The following CDH13 variants were observed in gnomAD, a reference collection of about 807,000 sequenced individuals.
CDH13 encodes cadherin 13.
In CDH13, 24 loss-of-function variants were observed where a neutral mutation model predicts 63.8. That is an observed-to-expected ratio of 0.38 (90% confidence interval 0.27 to 0.53). The LOEUF (loss-of-function observed/expected upper bound fraction) is 0.53, where lower values mean the gene tolerates loss of function less well. Ranked by LOEUF, CDH13 falls within the 20% of genes least tolerant of loss-of-function variation. The pLI, the probability that CDH13 is intolerant of heterozygous loss-of-function variation, is 0.85. For synonymous variants in CDH13, 503 were observed against 355.3 expected (o/e 1.42, Z -4.67); for missense variants, 1,049 against 903.1 (o/e 1.16, Z -2.07).
intron 5 of CDH13, among the ~76,000 whole-genome samples, chr16:83,332,384 A>G (rs1393736426): frequency 1.3e-5 from 2 of 152,146 alleles, no homozygotes; most frequent in African/African-American, 2.4e-5. Flanking sequence ...ATTTGTATGT[A>G]TCAACCCTAA....
chr16:83,044,006 T>C (rs1401734999), intron 3 of CDH13, among the ~76,000 whole-genome samples: 2 of 152,224 alleles, frequency 1.3e-5, no homozygotes, highest in Non-Finnish European at 2.9e-5. Flanking sequence ...AAGGATTAGA[T>C]AGGATGCTCT....
intron 4 of CDH13, among the ~76,000 whole-genome samples, chr16:83,163,462 T>C (rs1191188724): frequency 6.6e-6 from 1 of 152,090 alleles, no homozygotes; most frequent in African/African-American, 2.4e-5. Context: ...CTTGTAGTGC[T>C]CCAGGCCAGA....
intron 2 of CDH13, among the ~76,000 whole-genome samples, chr16:82,879,580 A>C (rs2040622709): frequency 1.4e-5 from 2 of 141,834 alleles, no homozygotes; most frequent in African/African-American, 5.1e-5. Context: ...TATATACAAT[A>C]TTATATATTA....
intron 4 of CDH13, among the ~76,000 whole-genome samples, chr16:83,158,657 C>A (rs2037318127): frequency 7.2e-5 from 11 of 152,236 alleles, no homozygotes; most frequent in Admixed American, 7.2e-4. Context: ...GCTGCAGAGC[C>A]ACGTTAAACA....
intron 1 of CDH13, among the ~76,000 whole-genome samples, chr16:82,796,330 C>T (rs1251525643): frequency 2.0e-5 from 3 of 152,156 alleles, no homozygotes; most frequent in South Asian, 2.1e-4. Context: ...TTTCCAATCT[C>T]GCTCTTCTCT....
chr16:83,219,428 A>T (rs181619097), intron 5 of CDH13, among the ~76,000 whole-genome samples: 1 of 152,198 alleles, frequency 6.6e-6, no homozygotes, highest in Non-Finnish European at 1.5e-5. Flanking sequence ...GAAACTTGAC[A>T]AATTGTCTGC....
At chr16:83,053,190 A>G (rs1332802988) in intron 3 of CDH13, among the ~76,000 whole-genome samples, 3 of 152,212 alleles carry the variant, frequency 2.0e-5, no homozygotes, top group Non-Finnish European at 4.4e-5. Context: ...TGACCACAGA[A>G]TATGTCTTTA....
chr16:83,334,821 G>T (rs567215464), intron 5 of CDH13, among the ~76,000 whole-genome samples: 1 of 152,158 alleles, frequency 6.6e-6, no homozygotes, highest in African/African-American at 2.4e-5. Context: ...CTAAATTTTA[G>T]AAAGGATATG....
intron 2 of CDH13, among the ~76,000 whole-genome samples, chr16:82,902,613 C>G (rs2041507862): frequency 6.6e-6 from 1 of 150,668 alleles, no homozygotes; most frequent in South Asian, 2.1e-4. Flanking sequence ...TCACGTGCTT[C>G]TTTGCTTGGC....
chr16:83,336,800 T>C (rs1271552355), intron 5 of CDH13, among the ~76,000 whole-genome samples: 1 of 152,228 alleles, frequency 6.6e-6, no homozygotes, highest in Admixed American at 6.5e-5. Flanking sequence ...TTGTTTCTGA[T>C]TCTGTTGATC....
intron 5 of CDH13, among the ~76,000 whole-genome samples, chr16:83,287,269 C>T (rs370617524): frequency 8.5e-5 from 13 of 152,302 alleles, no homozygotes; most frequent in African/African-American, 3.1e-4. Context: ...GAGAGGCATT[C>T]GCTTCAGGGA....
chr16:83,122,573 T>C lies in CDH13; in HGVS notation c.367-2812T>C, dbSNP rs2035630098. 1.3e-5 allele frequency among the ~76,000 whole-genome samples: 2 copies of C among 152,126 alleles called. 1 individual carries two copies. The highest frequency in any genetic ancestry group is 4.1e-4 in the South Asian group (2 of 4,826). On this transcript the variant is annotated intron_variant, in intron 3 of 13. Transcript: ENST00000567109. ...CCCTTGACAATACACTGAATACAAG[T>C]CTCCATAATGCCTGACATAGTTTGG...
intron 1 of CDH13, among the ~76,000 whole-genome samples, chr16:82,837,721 C>G (rs1335307988): frequency 6.6e-6 from 1 of 152,212 alleles, no homozygotes; most frequent in African/African-American, 2.4e-5. Context: ...CGAGTTTTTA[C>G]TGGGAGCTCA....
At chr16:83,781,777 G>A (rs11645296) in intron 12 of CDH13, among the ~76,000 whole-genome samples, 4,046 of 151,278 alleles carry the variant, frequency 0.027, 89 homozygotes, top group Non-Finnish European at 0.038. Context: ...TTTTGGGGGC[G>A]TGCAGAGGGG....
chr16:83,152,074 C>G (rs1296773061), intron 4 of CDH13, among the ~76,000 whole-genome samples: 4 of 151,934 alleles, frequency 2.6e-5, no homozygotes, highest in Admixed American at 1.3e-4. Flanking sequence ...CCTGTCCTTC[C>G]TAAGGAAAAT....
At chr16:83,725,670 G>T (rs1194920191) in intron 10 of CDH13, 1 of 152,244 alleles carries the variant, frequency 6.6e-6, no homozygotes, top group Non-Finnish European at 1.5e-5. Context: ...GATGGGCCAA[G>T]CAGGCAAGTT....
intron 5 of CDH13, among the ~76,000 whole-genome samples, chr16:83,339,998 A>T (rs2090686497): frequency 6.6e-6 from 1 of 152,182 alleles, no homozygotes; most frequent in Non-Finnish European, 1.5e-5. Context: ...CACCAAGGCT[A>T]AGGCAATACA....
intron 4 of CDH13, among the ~76,000 whole-genome samples, chr16:83,138,015 A>G (rs1048636293): frequency 1.3e-5 from 2 of 152,076 alleles, no homozygotes; most frequent in Non-Finnish European, 2.9e-5. Flanking sequence ...CCTCCTGGGT[A>G]TCTGCGCTTG....
At chr16:83,096,871 G>A (rs2034227566) in intron 3 of CDH13, among the ~76,000 whole-genome samples, 2 of 152,072 alleles carry the variant, frequency 1.3e-5, no homozygotes, top group African/African-American at 4.8e-5. Flanking sequence ...TTTGTTTAAA[G>A]GAAAAATTGT....
Sources: allele counts gnomAD v4.1 joint callset (sites outside exome capture counted in the v4.1 genomes callset), GRCh38; gene constraint gnomAD v4.1.1; transcripts MANE v1.5; gene names NCBI Gene and HGNC (gene_info 2026-07-23, HGNC 2026-07-21).